CFAP299: variants seen among roughly 807,000 people sequenced by gnomAD.
The protein encoded by CFAP299 is cilia- and flagella-associated protein 299.
CFAP299 carries 21 observed loss-of-function variants against 27.0 expected under a neutral mutation model. The observed-to-expected ratio is 0.78, with a 90% CI of 0.55 to 1.12. The LOEUF (loss-of-function observed/expected upper bound fraction) is 1.12, where lower values mean the gene tolerates loss of function less well. CFAP299 is among the 50% of genes most tolerant of loss of function. The pLI is 0.00. For missense variants in CFAP299, 310 were observed against 276.6 expected (o/e 1.12, Z -0.86); for synonymous variants, 104 against 98.1 (o/e 1.06, Z -0.36).
chr4:80,908,572 G>C (rs187488445), intron 4 of CFAP299, among the ~76,000 whole-genome samples: 1 of 152,198 alleles, frequency 6.6e-6, no homozygotes, highest in Admixed American at 6.5e-5. Flanking sequence ...GTACCTGCCC[G>C]TACACATTAG....
intron 3 of CFAP299, among the ~76,000 whole-genome samples, chr4:80,706,186 C>T (rs912732057): frequency 4.0e-5 from 6 of 151,634 alleles, no homozygotes; most frequent in Non-Finnish European, 8.9e-5. Flanking sequence ...CTCTTATAAG[C>T]AAGTATACCT....
At chr4:80,843,461 T>G (rs1186686990) in intron 3 of CFAP299, among the ~76,000 whole-genome samples, 1 of 152,188 alleles carries the variant, frequency 6.6e-6, no homozygotes, top group African/African-American at 2.4e-5. Flanking sequence ...TGCCACATTT[T>G]CATAATCCAG....
At chr4:80,358,610 G>A (rs1723390059) in intron 1 of CFAP299, among the ~76,000 whole-genome samples, 1 of 151,956 alleles carries the variant, frequency 6.6e-6, no homozygotes, top group Non-Finnish European at 1.5e-5. Context: ...ATCTTTGTTG[G>A]TTTAGAGTCT....
chr4:80,425,903 A>G (rs1727507579), intron 2 of CFAP299, among the ~76,000 whole-genome samples: 1 of 152,228 alleles, frequency 6.6e-6, no homozygotes, highest in Admixed American at 6.5e-5. Context: ...GAAAATGTCT[A>G]GTAAACAAGC....
chr4:80,917,972 A>G (rs1478817756), intron 4 of CFAP299, among the ~76,000 whole-genome samples: 1 of 152,210 alleles, frequency 6.6e-6, no homozygotes, highest in African/African-American at 2.4e-5. Context: ...GAAATGATAT[A>G]GTTACCTGTC....
At chr4:80,776,097 G>GT (rs1249203985) in intron 3 of CFAP299, among the ~76,000 whole-genome samples, 3 of 152,258 alleles carry the variant, frequency 2.0e-5, no homozygotes, top group Admixed American at 6.5e-5. Flanking sequence ...TAATTAAAAG[G>GT]TGGAATTAGT....
intron 3 of CFAP299, among the ~76,000 whole-genome samples, chr4:80,747,149 T>C (rs1724660125): frequency 6.6e-6 from 1 of 152,094 alleles, no homozygotes; most frequent in South Asian, 2.1e-4. Flanking sequence ...ATTTATTGTG[T>C]ATGTGGTCTG....
chr4:80,937,799 T>C (rs1736989388), intron 4 of CFAP299, among the ~76,000 whole-genome samples: 1 of 152,166 alleles, frequency 6.6e-6, no homozygotes. Flanking sequence ...GTAGTTCTTG[T>C]TCTCTTTTTT....
intron 3 of CFAP299, among the ~76,000 whole-genome samples, chr4:80,612,871 C>G (rs1738070518): frequency 6.6e-6 from 1 of 152,020 alleles, no homozygotes; most frequent in South Asian, 2.1e-4. Flanking sequence ...TGGTTCTTAA[C>G]AAGTTTGATT....
At chr4:80,387,579 C>G (rs1268583697) in intron 2 of CFAP299, 1 of 1,104,424 alleles carries the variant, frequency 9.1e-7, no homozygotes, top group Non-Finnish European at 1.4e-6. Context: ...GGTTCAGGGC[C>G]AAGACCTGTA....
chr4:80,648,240 T>C (rs1247176875), intron 3 of CFAP299, among the ~76,000 whole-genome samples: 2 of 152,166 alleles, frequency 1.3e-5, no homozygotes, highest in East Asian at 3.9e-4. Context: ...TGCTATGCTT[T>C]CCAGAAACTG....
intron 2 of CFAP299, among the ~76,000 whole-genome samples, chr4:80,478,079 T>G (rs920709075): frequency 5.3e-5 from 8 of 152,148 alleles, no homozygotes; most frequent in African/African-American, 1.9e-4. Flanking sequence ...CCCAGAAAAT[T>G]TTCAAAAACT....
chr4:80,796,620 G>A (rs192863134), intron 3 of CFAP299, among the ~76,000 whole-genome samples: 1 of 152,188 alleles, frequency 6.6e-6, no homozygotes, highest in Non-Finnish European at 1.5e-5. Context: ...GCTGCAATTG[G>A]AGTCACCACT....
At chr4:80,838,043 A>G (rs1045401671) in intron 3 of CFAP299, among the ~76,000 whole-genome samples, 7 of 152,022 alleles carry the variant, frequency 4.6e-5, no homozygotes, top group Non-Finnish European at 8.8e-5. Flanking sequence ...TTTTTTTTCC[A>G]TATGTTTGCT....
chr4:80,937,435 ACCT>A (rs141066219), intron 4 of CFAP299, among the ~76,000 whole-genome samples: 32 of 141,616 alleles, frequency 2.3e-4, no homozygotes, highest in African/African-American at 8.2e-4. Flanking sequence ...TCCCACCTTA[ACCT>A]CCTGAGTTTC....
At chr4:80,650,725 T>C (rs982380936) in intron 3 of CFAP299, among the ~76,000 whole-genome samples, 1 of 152,198 alleles carries the variant, frequency 6.6e-6, no homozygotes, top group Non-Finnish European at 1.5e-5. Context: ...TTAACTTCCC[T>C]ATCCTAAGTA....
chr4:80,388,011 C>T (rs1725112828), intron 2 of CFAP299: 2 of 710,918 alleles, frequency 2.8e-6, no homozygotes, highest in East Asian at 2.5e-5. Context: ...TTTGGCACCT[C>T]CAGGGGTGGG....
At chr4:80,918,549 G>A (rs1431649165) in intron 4 of CFAP299, among the ~76,000 whole-genome samples, 1 of 152,082 alleles carries the variant, frequency 6.6e-6, no homozygotes, top group Non-Finnish European at 1.5e-5. Context: ...AAAGAGAAAG[G>A]AGAGAGGAGA....
At chr4:80,415,883 A>T (rs1039771258) in intron 2 of CFAP299, among the ~76,000 whole-genome samples, 1 of 152,198 alleles carries the variant, frequency 6.6e-6, no homozygotes, top group African/African-American at 2.4e-5. Context: ...ACATACATAC[A>T]TGGGGTGATT....
Sources: gnomAD v4.1 joint callset for allele counts (sites outside exome capture counted in the v4.1 genomes callset) on GRCh38, gnomAD v4.1.1 for gene constraint, MANE v1.5 for transcripts, NCBI Gene and HGNC (gene_info 2026-07-23, HGNC 2026-07-21) for gene names.